Variants in PCBD2 observed in about 807,000 individuals in gnomAD.
PCBD2 encodes the protein pterin-4-alpha-carbinolamine dehydratase 2.
A neutral mutation model predicts 16.4 loss-of-function variants in PCBD2; 12 were observed. That is an observed-to-expected ratio of 0.73 (90% confidence interval 0.47 to 1.19). PCBD2 has a LOEUF of 1.19. Ranked by LOEUF, PCBD2 falls within the 50% of genes most tolerant of loss-of-function variation. PCBD2 has a pLI of 0.00. For missense variants in PCBD2, 138 were observed against 156.8 expected (o/e 0.88, Z 0.64); for synonymous variants, 58 against 61.8 (o/e 0.94, Z 0.29).
At chr5:134,929,346 CAAAAAAA>C (rs74273275) in intron 2 of PCBD2, among the ~76,000 whole-genome samples, 1 of 91,364 alleles carries the variant, frequency 1.1e-5, no homozygotes, top group African/African-American at 5.0e-5. Flanking sequence ...GACCTTGTCT[CAAAAAAA>C]AAAAAAAAAA....
chr5:134,932,829 G>A (rs771604468), intron 2 of PCBD2, among the ~76,000 whole-genome samples: 1 of 151,974 alleles, frequency 6.6e-6, no homozygotes, highest in Non-Finnish European at 1.5e-5. Flanking sequence ...AAGCTTGTGG[G>A]TGAGTCTCTT....
At chr5:134,927,969 A>G (rs543059202) in intron 2 of PCBD2, 3 of 396,642 alleles carry the variant, frequency 7.6e-6, no homozygotes, top group Admixed American at 4.4e-5. Context: ...GTTGATTCAA[A>G]TTATGTGTTT....
At chr5:134,920,595 A>G (rs79424376) in intron 2 of PCBD2, among the ~76,000 whole-genome samples, 6 of 152,006 alleles carry the variant, frequency 3.9e-5, no homozygotes, top group Non-Finnish European at 7.4e-5. Context: ...TCCTATCAAA[A>G]CAGCAAATGC....
At chr5:134,930,475 C>T (rs762456556) in intron 2 of PCBD2, among the ~76,000 whole-genome samples, 2 of 152,170 alleles carry the variant, frequency 1.3e-5, no homozygotes, top group African/African-American at 2.4e-5. Flanking sequence ...TAATGGTGAC[C>T]AGCTTATCTG....
intron 2 of PCBD2, among the ~76,000 whole-genome samples, chr5:134,943,645 C>T (rs2149538065): frequency 6.6e-6 from 1 of 152,278 alleles, no homozygotes; most frequent in South Asian, 2.1e-4. Context: ...CATTCCTGTA[C>T]AGAGACCCAC....
intron 2 of PCBD2, among the ~76,000 whole-genome samples, chr5:134,938,236 A>G (rs1264480135): frequency 6.6e-6 from 1 of 152,214 alleles, no homozygotes; most frequent in Non-Finnish European, 1.5e-5. Flanking sequence ...ATCATAAGGC[A>G]TGTCTCCAGA....
chr5:134,914,585 G>A (rs1020730958), intron 2 of PCBD2, among the ~76,000 whole-genome samples: 9 of 152,130 alleles, frequency 5.9e-5, no homozygotes, highest in Admixed American at 1.3e-4. Flanking sequence ...GGACAGAAAC[G>A]CTGGCCCTTG....
chr5:134,929,148 G>T (rs554510745), intron 2 of PCBD2, among the ~76,000 whole-genome samples: 2 of 152,210 alleles, frequency 1.3e-5, no homozygotes, highest in East Asian at 3.9e-4. Context: ...ATTTAGGGGT[G>T]AGTTAGAAGA....
At chr5:134,933,713 G>T (rs1751124774) in intron 2 of PCBD2, among the ~76,000 whole-genome samples, 1 of 152,192 alleles carries the variant, frequency 6.6e-6, no homozygotes, top group African/African-American at 2.4e-5. Flanking sequence ...GTGTCAGGGA[G>T]CTGTACTGGG....
rs765926016 is a variant in PCBD2, at chr5:134,960,591, G to C, written c.303G>C (p.Gln101His). ...PEWFNVYNKVQITLTSHDCGE... is the reference protein window; with the variant it reads ...PEWFNVYNKVHITLTSHDCGE... Reference sequence around the variant, plus strand: ...ACTGCTTTTCTTTTTCTTAGGTCCAGATAACTCTCACCTCACATGACTGTG... The same window carrying C: ...ACTGCTTTTCTTTTTCTTAGGTCCACATAACTCTCACCTCACATGACTGTG... Residue 101 changes from glutamine (Q) to histidine (H), a missense_variant, in exon 4 of 4, where the codon CAG (glutamine) becomes CAC (histidine). Gln to His is a conservative substitution (Grantham distance 24). Coordinates refer to ENST00000254908, the MANE Select transcript of PCBD2 (RefSeq NM_032151.5). The C allele has an allele frequency of 6.2e-7, 1 of 1,605,406 alleles. No individual in the cohort carries two copies. Among genetic ancestry groups the C allele is most frequent in the South Asian group, 1.1e-5 (1 of 89,482 alleles).
chr5:134,913,288 G>C (rs1242187322), intron 2 of PCBD2, among the ~76,000 whole-genome samples: 1 of 152,180 alleles, frequency 6.6e-6, no homozygotes, highest in Non-Finnish European at 1.5e-5. Flanking sequence ...AATTGGAGTG[G>C]AGGGGGACAG....
chr5:134,927,986 G>A (rs75590331), intron 2 of PCBD2: 1 of 396,372 alleles, frequency 2.5e-6, no homozygotes, highest in Non-Finnish European at 4.5e-6. Context: ...GTTTTTTGGA[G>A]AGTCATGTCA....
chr5:134,926,341 A>C, intron 2 of PCBD2: 1 of 372,392 alleles, frequency 2.7e-6, no homozygotes, highest in East Asian at 3.8e-5. Context: ...GGTGGATGCG[A>C]TAATGGATTT....
intron 2 of PCBD2, among the ~76,000 whole-genome samples, chr5:134,932,822 C>G (rs1751114751): frequency 6.6e-6 from 1 of 152,018 alleles, no homozygotes; most frequent in African/African-American, 2.4e-5. Flanking sequence ...GTTATGTAAG[C>G]TTGTGGGTGA....
chr5:134,924,237 G>C, intron 2 of PCBD2: 1 of 395,280 alleles, frequency 2.5e-6, no homozygotes, highest in African/African-American at 2.1e-5. Flanking sequence ...TGGTGTGATT[G>C]GGTGTGTTAT....
intron 1 of PCBD2, among the ~76,000 whole-genome samples, chr5:134,906,677 C>G (rs1162731075): frequency 3.3e-5 from 5 of 152,102 alleles, no homozygotes; most frequent in Non-Finnish European, 7.4e-5. Flanking sequence ...GAGCGCTGCC[C>G]CATGCCAGGC....
intron 2 of PCBD2, among the ~76,000 whole-genome samples, chr5:134,951,680 G>T (rs1751359664): frequency 6.6e-6 from 1 of 152,050 alleles, no homozygotes; most frequent in African/African-American, 2.4e-5. Context: ...CAAATATTTT[G>T]ATCTTTTTCA....
rs17167745 is a variant in PCBD2, at chr5:134,958,064, A to G, written c.217-976A>G. 6.7e-3 allele frequency among the ~76,000 whole-genome samples: 1,026 copies of G among 152,296 alleles called. 9 individuals carry two copies. The highest frequency in any genetic ancestry group is 0.024 in the African/African-American group (984 of 41,560). Reference sequence around the variant, plus strand: ...ATATTGGTTTTTCTGGATAGGGGTAATGAAGTTAAATATTTGTTTACGTGG... The same window carrying G: ...ATATTGGTTTTTCTGGATAGGGGTAGTGAAGTTAAATATTTGTTTACGTGG... On this transcript the variant is annotated intron_variant, in intron 2 of 3. Coordinates refer to ENST00000254908, the MANE Select transcript of PCBD2 (RefSeq NM_032151.5).
intron 2 of PCBD2, among the ~76,000 whole-genome samples, chr5:134,918,857 C>T (rs1330426022): frequency 6.6e-6 from 1 of 152,168 alleles, no homozygotes; most frequent in African/African-American, 2.4e-5. Flanking sequence ...TCAGTGTTGG[C>T]GTCCACCAGG....
Sources: allele counts gnomAD v4.1 joint callset (sites outside exome capture counted in the v4.1 genomes callset), GRCh38; gene constraint gnomAD v4.1.1; transcripts MANE v1.5; gene names NCBI Gene and HGNC (gene_info 2026-07-23, HGNC 2026-07-21).